Variants in PTPRD observed in about 807,000 individuals in gnomAD.
PTPRD encodes receptor-type tyrosine-protein phosphatase delta.
Under a neutral mutation model 214.5 loss-of-function variants are expected in PTPRD, and 34 were observed. The observed-to-expected ratio is 0.16, with a 90% confidence interval of 0.12 to 0.21. PTPRD has a LOEUF of 0.21. Ranked by LOEUF, PTPRD falls within the 10% of genes least tolerant of loss-of-function variation. The pLI is 1.00. For missense variants in PTPRD, 2,545 were observed against 2,398.7 expected, an observed-to-expected ratio of 1.06 and a Z score of -1.27; for synonymous variants, 1,128 against 845.7, an observed-to-expected ratio of 1.33 and a Z score of -5.79.
At chr9:9,834,215 G>T (rs1443436461) in intron 5 of PTPRD, among the ~76,000 whole-genome samples, 1 of 151,970 alleles carries the variant, frequency 6.6e-6, no homozygotes, top group Non-Finnish European at 1.5e-5. Context: ...CCCTCTGTTT[G>T]GGGTCCCTGA....
At position 8,339,338 on chromosome 9, in the gene PTPRD, G is replaced by A. The variant is rs1347645512; in HGVS notation, c.5254-291C>T. Among the ~76,000 whole-genome samples, 4 of 152,214 alleles carry A rather than the reference G, an allele frequency of 2.6e-5. No homozygotes were observed. In the East Asian group the frequency reaches 7.7e-4, roughly 29 times the overall value. On this transcript the variant is annotated intron_variant, in intron 42 of 45. Coordinates refer to ENST00000381196, the MANE Select transcript of PTPRD (RefSeq NM_002839.4). ...AGAATTGAATACTTTCATAGGGTAA[G>A]CATCTTCATACCTACAAGTTATCCA...
In PTPRD at chr9:9,964,532, G is replaced by A. The variant is rs1217637907; in HGVS notation, c.-471-25922C>T. Reference sequence around the variant, plus strand: ...AAGCAGAAAATTTTACCTTAATTATGACTCAGTGGAAACGGGAGGAAATCC... The same window carrying A: ...AAGCAGAAAATTTTACCTTAATTATAACTCAGTGGAAACGGGAGGAAATCC... On this transcript the variant is annotated intron_variant, in intron 4 of 45. Coordinates refer to ENST00000381196, the MANE Select transcript of PTPRD (RefSeq NM_002839.4). Among the ~76,000 whole-genome samples the A allele has an allele frequency of 2.0e-5, 3 of 152,244 alleles. No homozygotes were observed. The East Asian group carries it at 5.8e-4, about 29-fold the overall frequency.
At chr9:9,240,485 G>C (rs199519621) in intron 9 of PTPRD, among the ~76,000 whole-genome samples, 1 of 152,228 alleles carries the variant, frequency 6.6e-6, no homozygotes, top group South Asian at 2.1e-4. Context: ...AGCCTGGCCA[G>C]CATGGTGAAG....
intron 2 of PTPRD, among the ~76,000 whole-genome samples, chr9:10,479,801 A>G (rs975585346): frequency 1.3e-5 from 2 of 152,058 alleles, no homozygotes; most frequent in African/African-American, 4.8e-5. Context: ...AGCCTGGGCA[A>G]CAGGGTGAGA....
intron 9 of PTPRD, among the ~76,000 whole-genome samples, chr9:9,352,692 AATG>A (rs2051896222): frequency 1.3e-5 from 2 of 151,956 alleles, no homozygotes; most frequent in Admixed American, 1.3e-4. Context: ...ATGACGAATT[AATG>A]ATAACTATGA....
At chr9:10,521,102 CT>C (rs1247971856) in intron 2 of PTPRD, among the ~76,000 whole-genome samples, 1 of 151,870 alleles carries the variant, frequency 6.6e-6, no homozygotes, top group Non-Finnish European at 1.5e-5. Context: ...GAAAAGTGCA[CT>C]GAAAACCTTC....
intron 11 of PTPRD, among the ~76,000 whole-genome samples, chr9:8,776,753 A>G (rs1370168517): frequency 6.8e-6 from 1 of 146,224 alleles, no homozygotes; most frequent in Non-Finnish European, 1.5e-5. Context: ...AGAATAGGCT[A>G]TTTTTTTTTT....
At chr9:9,385,473 G>A (rs1305048264) in intron 9 of PTPRD, among the ~76,000 whole-genome samples, 2 of 152,130 alleles carry the variant, frequency 1.3e-5, no homozygotes, top group African/African-American at 2.4e-5. Flanking sequence ...AGCCTAACCT[G>A]GGTCAGTAAT....
chr9:9,780,963 A>G (rs770250252), intron 5 of PTPRD, among the ~76,000 whole-genome samples: 34 of 152,312 alleles, frequency 2.2e-4, no homozygotes, highest in Admixed American at 1.4e-3. Flanking sequence ...TTCCAAGTGT[A>G]TGACTTTCTG....
chr9:8,899,662 T>C (rs1173597908), intron 11 of PTPRD, among the ~76,000 whole-genome samples: 1 of 152,194 alleles, frequency 6.6e-6, no homozygotes, highest in Non-Finnish European at 1.5e-5. Flanking sequence ...GTGTTTAGAC[T>C]GGAGTAGTTG....
At chr9:8,767,860 T>A (rs377748676) in intron 11 of PTPRD, among the ~76,000 whole-genome samples, 3 of 151,826 alleles carry the variant, frequency 2.0e-5, no homozygotes, top group Admixed American at 6.6e-5. Flanking sequence ...TAAGTTACAG[T>A]AAAAAGAAAA....
At chr9:8,617,140 C>A (rs2095639317) in intron 14 of PTPRD, among the ~76,000 whole-genome samples, 2 of 151,948 alleles carry the variant, frequency 1.3e-5, no homozygotes, top group Non-Finnish European at 2.9e-5. Flanking sequence ...CCAAAATACA[C>A]TGAGAGTTCA....
chr9:9,207,793 T>G (rs937498403), intron 9 of PTPRD, among the ~76,000 whole-genome samples: 1 of 151,836 alleles, frequency 6.6e-6, no homozygotes, highest in African/African-American at 2.4e-5. Flanking sequence ...AGTAAAAGAG[T>G]TGAAACAACT....
In PTPRD at chr9:9,326,720, T is replaced by A. The variant is rs377096065; in HGVS notation, c.-203+70729A>T. On this transcript the variant is annotated intron_variant, in intron 9 of 45. Coordinates refer to ENST00000381196, the MANE Select transcript of PTPRD (RefSeq NM_002839.4). ...TAAACTAGAAAATAAATGTCAGGGA[T>A]TGAAGGTAGAAGAATCTCAAACAGA... Among the ~76,000 whole-genome samples, 37 of 151,682 alleles carry A rather than the reference T, an allele frequency of 2.4e-4. No individual in the cohort carries two copies. The South Asian group carries it at 7.7e-3, about 32-fold the overall frequency.
At chr9:9,915,493 C>T (rs1601963092) in intron 5 of PTPRD, among the ~76,000 whole-genome samples, 1 of 151,134 alleles carries the variant, frequency 6.6e-6, no homozygotes, top group East Asian at 2.0e-4. Flanking sequence ...ATCAGGAAGA[C>T]AACTCATGAT....
At chr9:8,457,383 G>GAT (rs2096247582) in intron 33 of PTPRD, among the ~76,000 whole-genome samples, 2 of 152,004 alleles carry the variant, frequency 1.3e-5, no homozygotes, top group Non-Finnish European at 2.9e-5. Flanking sequence ...TAACATTAAA[G>GAT]ATATACCAAA....
At chr9:8,734,262 G>A (rs970587171) in intron 11 of PTPRD, among the ~76,000 whole-genome samples, 5 of 152,132 alleles carry the variant, frequency 3.3e-5, no homozygotes, top group African/African-American at 4.8e-5. Context: ...CCTAAAAAAG[G>A]AACTGTCACT....
chr9:9,509,326 A>G (rs2096644336), intron 8 of PTPRD, among the ~76,000 whole-genome samples: 1 of 151,520 alleles, frequency 6.6e-6, no homozygotes, highest in South Asian at 2.1e-4. Context: ...AAATATAGAA[A>G]TTGACCCTCC....
intron 6 of PTPRD, among the ~76,000 whole-genome samples, chr9:9,754,284 A>T (rs1194884864): frequency 6.6e-6 from 1 of 151,996 alleles, no homozygotes; most frequent in African/African-American, 2.4e-5. Context: ...AAATTCTTAC[A>T]CGCCCCGTAA....
Sources: allele counts gnomAD v4.1 joint callset (sites outside exome capture counted in the v4.1 genomes callset), GRCh38; gene constraint gnomAD v4.1.1; transcripts MANE v1.5; gene names NCBI Gene and HGNC (gene_info 2026-07-23, HGNC 2026-07-21).